TENM4: variants seen among roughly 807,000 people sequenced by gnomAD.
TENM4 encodes teneurin transmembrane protein 4, also known as teneurin-4.
A neutral mutation model predicts 243.3 loss-of-function variants in TENM4; 82 were observed. The observed-to-expected ratio is 0.34, with a 90% CI of 0.28 to 0.40. The LOEUF is 0.40. Among genes scored for constraint, TENM4 ranks in the 10% least tolerant of loss-of-function variants. The pLI, the probability that TENM4 is intolerant of heterozygous loss-of-function variation, is 1.00. For missense variants in TENM4, 3,138 were observed against 3,673.3 expected (o/e 0.85, Z 3.77); for synonymous variants, 1,412 against 1,456.3 (o/e 0.97, Z 0.69).
chr11:78,835,820 A>G (rs1858093728), intron 12 of TENM4, among the ~76,000 whole-genome samples: 1 of 152,154 alleles, frequency 6.6e-6, no homozygotes, highest in African/African-American at 2.4e-5. Context: ...TGAGCTCATC[A>G]CAGTCACATT....
chr11:79,107,127 A>T (rs1487150004), intron 4 of TENM4, among the ~76,000 whole-genome samples: 1 of 152,142 alleles, frequency 6.6e-6, no homozygotes. Flanking sequence ...TAACTTGCTC[A>T]CGGTTCTATT....
chr11:78,950,142 C>A (rs1040597476), intron 6 of TENM4, among the ~76,000 whole-genome samples: 2 of 152,144 alleles, frequency 1.3e-5, no homozygotes, highest in African/African-American at 2.4e-5. Context: ...GGCCACTGCC[C>A]CTTACCATTA....
chr11:78,990,996 G>A (rs1858028907), intron 6 of TENM4, among the ~76,000 whole-genome samples: 1 of 152,140 alleles, frequency 6.6e-6, no homozygotes, highest in Non-Finnish European at 1.5e-5. Flanking sequence ...TAGGACACAG[G>A]GCCCAGAGAG....
At chr11:79,055,670 T>C (rs1374195659) in intron 6 of TENM4, among the ~76,000 whole-genome samples, 1 of 152,206 alleles carries the variant, frequency 6.6e-6, no homozygotes, top group Non-Finnish European at 1.5e-5. Flanking sequence ...ATTACAACTT[T>C]AGGAGGTAGA....
chr11:78,726,519 G>A (rs576510796), intron 22 of TENM4, among the ~76,000 whole-genome samples: 1 of 152,238 alleles, frequency 6.6e-6, no homozygotes, highest in East Asian at 1.9e-4. Flanking sequence ...GTATGTGATG[G>A]GGTTTGTTTC....
chr11:79,429,429 A>T (rs1859121960), intron 1 of TENM4, among the ~76,000 whole-genome samples: 1 of 152,104 alleles, frequency 6.6e-6, no homozygotes, highest in Non-Finnish European at 1.5e-5. Context: ...AGGTGGGGAG[A>T]TAGTGGGGAA....
intron 6 of TENM4, among the ~76,000 whole-genome samples, chr11:78,967,981 T>C (rs1312742539): frequency 6.6e-6 from 1 of 152,260 alleles, no homozygotes; most frequent in Non-Finnish European, 1.5e-5. Context: ...TCCGCAGTGT[T>C]GGAGGTGGCA....
chr11:79,163,418 GT>G (rs1280292549), intron 3 of TENM4, among the ~76,000 whole-genome samples: 4 of 151,818 alleles, frequency 2.6e-5, no homozygotes, highest in Non-Finnish European at 4.4e-5. Flanking sequence ...TTTTTTAATA[GT>G]TTTTTTGGGG....
At chr11:79,222,118 T>C (rs1201231695) in intron 2 of TENM4, among the ~76,000 whole-genome samples, 2 of 152,264 alleles carry the variant, frequency 1.3e-5, no homozygotes, top group African/African-American at 2.4e-5. Flanking sequence ...TGTTCAGTCT[T>C]ATGTTTGAAA....
chr11:78,732,157 T>A (rs1049341123), intron 21 of TENM4, among the ~76,000 whole-genome samples, 159 bp downstream of exon 21: 14 of 152,220 alleles, frequency 9.2e-5, no homozygotes, highest in African/African-American at 2.9e-4. Flanking sequence ...ACACCATGCC[T>A]GCTGTGGGGT....
At chr11:79,400,238 T>C (rs1858433649) in intron 1 of TENM4, among the ~76,000 whole-genome samples, 1 of 151,936 alleles carries the variant, frequency 6.6e-6, no homozygotes, top group Non-Finnish European at 1.5e-5. Flanking sequence ...TGATATTCAA[T>C]GGTTAAATTT....
At chr11:79,215,492 G>A (rs773448582) in intron 3 of TENM4, among the ~76,000 whole-genome samples, 7 of 151,994 alleles carry the variant, frequency 4.6e-5, no homozygotes, top group African/African-American at 7.3e-5. Context: ...GTCCTAGACC[G>A]ACATGTGACC....
At chr11:79,164,076 CACTATATATACTAT>C (rs1450499524) in intron 3 of TENM4, among the ~76,000 whole-genome samples, 8 of 28,934 alleles carry the variant, frequency 2.8e-4, no homozygotes, top group Non-Finnish European at 4.6e-4. Context: ...TGTATATATA[CACTATATATACTAT>C]GTATATATAG....
intron 1 of TENM4, among the ~76,000 whole-genome samples, chr11:79,393,344 T>TA (rs35159327): frequency 0.42 from 64,519 of 151,922 alleles, 13,694 homozygotes; most frequent in Non-Finnish European, 0.46. Flanking sequence ...GGCAAGTTCC[T>TA]AGACAGATAT....
At chr11:79,369,408 A>C (rs1857739935) in intron 1 of TENM4, among the ~76,000 whole-genome samples, 1 of 151,860 alleles carries the variant, frequency 6.6e-6, no homozygotes, top group Admixed American at 6.6e-5. Context: ...CACTGCTTTC[A>C]CTTTTTTTTT....
chr11:79,228,835 A>G (rs1378388435), intron 2 of TENM4, among the ~76,000 whole-genome samples: 1 of 152,216 alleles, frequency 6.6e-6, no homozygotes. Context: ...TTTCATCAGT[A>G]TGGTTCATTT....
chr11:79,261,582 G>C (rs752818185), intron 2 of TENM4, among the ~76,000 whole-genome samples: 68 of 152,152 alleles, frequency 4.5e-4, no homozygotes, highest in Admixed American at 1.2e-3. Flanking sequence ...GGAACCCCTG[G>C]GGACAGCTCT....
At chr11:78,764,603 G>C (rs1856502042) in intron 18 of TENM4, among the ~76,000 whole-genome samples, 1 of 152,200 alleles carries the variant, frequency 6.6e-6, no homozygotes, top group African/African-American at 2.4e-5. Flanking sequence ...CATGGGGTGT[G>C]GTGGAAGCCA....
intron 5 of TENM4, 88 bp downstream of exon 5, chr11:79,069,634 C>T (rs922712344): frequency 2.6e-5 from 38 of 1,448,806 alleles, no homozygotes; most frequent in African/African-American, 4.3e-5. Context: ...CTGTGCCACG[C>T]CCACCTGCGC....
Sources: gnomAD v4.1 joint callset for allele counts (sites outside exome capture counted in the v4.1 genomes callset) on GRCh38, gnomAD v4.1.1 for gene constraint, MANE v1.5 for transcripts, NCBI Gene and HGNC (gene_info 2026-07-23, HGNC 2026-07-21) for gene names.